The following PCDHA2 variants were observed in gnomAD, a reference collection of about 807,000 sequenced individuals.
PCDHA2 encodes protocadherin alpha 2, also known as protocadherin alpha-2.
In PCDHA2, 58 loss-of-function variants were observed where a neutral mutation model predicts 66.0. The observed-to-expected ratio is 0.88, with a 90% CI of 0.71 to 1.09. PCDHA2 has a LOEUF of 1.09. PCDHA2 is among the 50% of genes least tolerant of loss of function. The pLI is 0.00. For synonymous variants in PCDHA2, 634 were observed against 554.0 expected (o/e 1.14, Z -2.03); for missense variants, 1,267 against 1,242.3 (o/e 1.02, Z -0.30).
At chr5:140,875,428 C>T (rs782761347) in intron 1 of PCDHA2, 1 of 1,537,796 alleles carries the variant, frequency 6.5e-7, no homozygotes, top group Non-Finnish European at 8.7e-7. Context: ...GGCAAGCGAT[C>T]CCTTAAAACT....
rs782316579 is a variant in PCDHA2, at chr5:140,796,592, C to G, written c.1628C>G (p.Pro543Arg). 5 of 1,613,432 alleles carry G rather than the reference C, an allele frequency of 3.1e-6. No homozygotes were observed. In the East Asian group the frequency reaches 8.9e-5, roughly 29 times the overall value. Residue 543 changes from proline (P) to arginine (R), a missense_variant, in exon 1 of 4, where the codon CCG becomes CGG. Physicochemically the swap from Pro to Arg is moderately radical, Grantham distance 103 (BLOSUM62 -2). Transcript: ENST00000526136. ...FQVSARDAGV[P>R]PLGSNVTLQV... is the part of the protein sequence containing the mutation. ...GTGAGCGCGCGGGATGCGGGCGTGC[C>G]GCCTCTGGGCAGCAACGTGACGCTG...
At chr5:140,924,183 A>G (rs1554201796) in intron 1 of PCDHA2, among the ~76,000 whole-genome samples, 1 of 152,230 alleles carries the variant, frequency 6.6e-6, no homozygotes, top group Non-Finnish European at 1.5e-5. Context: ...GAAGCAGAAA[A>G]TTAGTTTTGG....
chr5:140,910,281 A>G (rs1198162778), intron 1 of PCDHA2, among the ~76,000 whole-genome samples: 4 of 151,152 alleles, frequency 2.6e-5, no homozygotes, highest in East Asian at 2.0e-4. Context: ...TAGGAACACC[A>G]TGATTAATCA....
intron 3 of PCDHA2, among the ~76,000 whole-genome samples, chr5:140,996,588 G>A (rs1031631617): frequency 3.2e-4 from 49 of 152,082 alleles, no homozygotes; most frequent in Admixed American, 2.0e-3. Flanking sequence ...AACAAGGGCC[G>A]CCTCCCCCCA....
chr5:140,949,961 G>A lies in PCDHA2; in HGVS notation c.2389-28988G>A, dbSNP rs373865946. ...TTGCATTTTTTAGTGGTTGCTGTAA[G>A]GATTACAGCATACATACTTAACTTT... On this transcript the variant is annotated intron_variant, in intron 1 of 3. Transcript: ENST00000526136. Among the ~76,000 whole-genome samples, 68 of 151,658 alleles carry A rather than the reference G, an allele frequency of 4.5e-4. 1 individual carries two copies. The East Asian group carries it at 0.012, about 28-fold the overall frequency.
chr5:140,881,488 AT>A (rs1193131425), intron 1 of PCDHA2: 4 of 334,526 alleles, frequency 1.2e-5, no homozygotes, highest in African/African-American at 8.9e-5. Flanking sequence ...TATTGTGTTT[AT>A]GCACATACAC....
intron 1 of PCDHA2, among the ~76,000 whole-genome samples, chr5:140,912,582 T>C (rs2075986919): frequency 6.6e-6 from 1 of 152,214 alleles, no homozygotes. Context: ...TTTTCCAATT[T>C]GGATGCCCTT....
At chr5:140,989,665 T>G (rs2097353443) in intron 3 of PCDHA2, among the ~76,000 whole-genome samples, 2 of 152,190 alleles carry the variant, frequency 1.3e-5, no homozygotes, top group South Asian at 4.1e-4. Flanking sequence ...TAAAAGAAAC[T>G]CTGCCCAGAT....
chr5:140,959,876 G>A (rs1335764869), intron 1 of PCDHA2, among the ~76,000 whole-genome samples: 1 of 152,134 alleles, frequency 6.6e-6, no homozygotes. Context: ...ATCTGTCAAG[G>A]AATACACGAG....
chr5:140,995,285 C>G (rs1179283452), intron 3 of PCDHA2, among the ~76,000 whole-genome samples: 1 of 152,048 alleles, frequency 6.6e-6, no homozygotes, highest in African/African-American at 2.4e-5. Flanking sequence ...ACCAAAACAG[C>G]CAGTCGGATA....
chr5:140,999,975 A>G (rs952038024), intron 3 of PCDHA2, among the ~76,000 whole-genome samples: 3 of 152,078 alleles, frequency 2.0e-5, no homozygotes, highest in African/African-American at 7.2e-5. Context: ...TAGCAGCTCT[A>G]GCGGCCTCTG....
At chr5:140,984,968 C>T (rs1380988893) in intron 3 of PCDHA2, among the ~76,000 whole-genome samples, 1 of 151,950 alleles carries the variant, frequency 6.6e-6, no homozygotes, top group South Asian at 2.1e-4. Flanking sequence ...GACAGAGTCT[C>T]GCTCTGTCCC....
In PCDHA2 at chr5:140,852,083, T is replaced by C; in HGVS notation, c.2388+54731T>C. 2 of 899,622 alleles carry C rather than the reference T, an allele frequency of 2.2e-6. 1 individual carries two copies. Among genetic ancestry groups the C allele is most frequent in the Non-Finnish European group, 2.7e-6 (2 of 737,816 alleles). The allele number at this position is 899,622 out of a possible 1,614,324, so 55.7% of individuals were successfully genotyped here. A position where few individuals can be genotyped will look rare whatever the true frequency, so the allele number is the denominator to read the frequency against. On this transcript the variant is annotated intron_variant, in intron 1 of 3. Coordinates refer to ENST00000526136, the MANE Select transcript of PCDHA2 (RefSeq NM_018905.3). The stretch of plus-strand genomic sequence containing the variant: ...TTCTTTCTCTTTCAGCTATTTTATT[T>C]AATATTGTGTCAGATATTTTACAAG...
At chr5:140,955,522 C>A (rs1467341493) in intron 1 of PCDHA2, among the ~76,000 whole-genome samples, 5 of 152,180 alleles carry the variant, frequency 3.3e-5, no homozygotes, top group African/African-American at 1.2e-4. Context: ...GCTTTCCCTT[C>A]CACCATGATT....
intron 3 of PCDHA2, among the ~76,000 whole-genome samples, chr5:140,995,211 A>G (rs529613370): frequency 2.6e-5 from 4 of 152,188 alleles, no homozygotes; most frequent in Non-Finnish European, 4.4e-5. Context: ...ATTAGGCACA[A>G]TACTCTTGTG....
At chr5:140,912,797 G>C (rs2076071117) in intron 1 of PCDHA2, among the ~76,000 whole-genome samples, 1 of 152,128 alleles carries the variant, frequency 6.6e-6, no homozygotes, top group South Asian at 2.1e-4. Flanking sequence ...CAATTTTCTT[G>C]AGGGTTTTTA....
chr5:140,801,755 T>C (rs1554121669), intron 1 of PCDHA2: 2 of 1,613,940 alleles, frequency 1.2e-6, no homozygotes, highest in Admixed American at 1.7e-5. Flanking sequence ...AAAGAAATGA[T>C]GAGGAAATTA....
At chr5:140,983,034 C>T (rs923296416) in intron 3 of PCDHA2, among the ~76,000 whole-genome samples, 1 of 151,944 alleles carries the variant, frequency 6.6e-6, no homozygotes, top group Non-Finnish European at 1.5e-5. Context: ...GATGGTTTCT[C>T]ATGGAAGTGG....
intron 1 of PCDHA2, chr5:140,797,565 G>A (rs956098163): frequency 5.9e-6 from 4 of 678,988 alleles, no homozygotes; most frequent in Admixed American, 6.5e-5. Context: ...TTACATTTTG[G>A]CACTTCCATC....
Sources: gnomAD v4.1 joint callset for allele counts (sites outside exome capture counted in the v4.1 genomes callset) on GRCh38, gnomAD v4.1.1 for gene constraint, MANE v1.5 for transcripts, NCBI Gene and HGNC (gene_info 2026-07-23, HGNC 2026-07-21) for gene names.